The following CNN3 variants were observed in gnomAD, a reference collection of about 807,000 sequenced individuals.
CNN3 encodes the protein calponin 3.
Under a neutral mutation model 39.0 loss-of-function variants are expected in CNN3, and 11 were observed. The observed-to-expected ratio is 0.28, with a 90% CI of 0.18 to 0.47. The LOEUF (loss-of-function observed/expected upper bound fraction) is 0.47. CNN3 is among the 20% of genes least tolerant of loss of function. The probability of loss-of-function intolerance (pLI) is 0.99; values close to 1 mark genes in which losing one functional copy is unlikely to be tolerated. For synonymous variants in CNN3, 101 were observed against 138.3 expected (o/e 0.73, Z 1.89); for missense variants, 266 against 403.4 (o/e 0.66, Z 2.92).
At chr1:94,911,267 G>A (rs922947709) in intron 1 of CNN3, among the ~76,000 whole-genome samples, 2 of 152,322 alleles carry the variant, frequency 1.3e-5, no homozygotes, top group East Asian at 3.9e-4. Flanking sequence ...TTTAAAAGCT[G>A]TGGAAAATCA....
chr1:94,908,927 T>C (rs953064768), intron 1 of CNN3, among the ~76,000 whole-genome samples: 6 of 151,410 alleles, frequency 4.0e-5, no homozygotes, highest in African/African-American at 1.5e-4. Flanking sequence ...GGAGGAATCC[T>C]TGAGCCCAGG....
At chr1:94,903,684 TCA>T (rs1557909025) in intron 1 of CNN3, among the ~76,000 whole-genome samples, 160 bp from the exon 2 acceptor site, 1 of 151,350 alleles carries the variant, frequency 6.6e-6, no homozygotes, top group East Asian at 1.9e-4. Flanking sequence ...CGTTACAACT[TCA>T]GTAACTAATA....
chr1:94,909,963 T>C (rs187815574), intron 1 of CNN3, among the ~76,000 whole-genome samples: 1 of 152,204 alleles, frequency 6.6e-6, no homozygotes, highest in East Asian at 1.9e-4. Flanking sequence ...CATTCCAGAA[T>C]CTACTGAAGA....
intron 1 of CNN3, among the ~76,000 whole-genome samples, chr1:94,911,926 C>T (rs1471432390): frequency 2.0e-5 from 3 of 151,992 alleles, no homozygotes; most frequent in Admixed American, 6.6e-5. Context: ...ATTAGCTGGG[C>T]GTGGTGGCAC....
rs1257253985 is a variant in CNN3 at position 94,927,101 on chromosome 1, G to A, written c.-207C>T. Reference sequence around the variant, plus strand: ...ACAGAGCCTCGAGCTCCGCTGCGAAGCACCCGGCTGCCTCGCTCGCCGCCC... The same window carrying A: ...ACAGAGCCTCGAGCTCCGCTGCGAAACACCCGGCTGCCTCGCTCGCCGCCC... On this transcript the variant is annotated 5_prime_UTR_variant, in exon 1 of 7. Transcript: ENST00000370206. 4.1e-6 allele frequency: 2 copies of A among 492,174 alleles called. No individual in the cohort carries two copies. The highest frequency in any genetic ancestry group is 6.3e-5 in the South Asian group (2 of 31,960). The allele number at this position is 492,174 out of a possible 1,614,324, so 30.5% of individuals were successfully genotyped here. A position where few individuals can be genotyped will look rare whatever the true frequency, so the allele number is the denominator to read the frequency against.
At chr1:94,925,501 TA>T (rs1206582031) in intron 1 of CNN3, 2 of 687,954 alleles carry the variant, frequency 2.9e-6, no homozygotes, top group African/African-American at 1.9e-5. Flanking sequence ...GTAAAGGACC[TA>T]AACATTTCAA....
rs56226800 is a variant in CNN3 at position 94,897,371 on chromosome 1, T to TA, written c.*370dup. The TA allele has an allele frequency of 0.16, 20,520 of 126,314 alleles. 1,634 individuals are homozygous for TA. Among genetic ancestry groups the TA allele is most frequent in the African/African-American group, 0.21 (6,685 of 31,694 alleles). 7.8% of individuals were successfully genotyped at this position (126,314 alleles called of 1,614,324 possible). On this transcript the variant is annotated 3_prime_UTR_variant, in exon 7 of 7. Coordinates refer to ENST00000370206, the MANE Select transcript of CNN3 (RefSeq NM_001839.5). ...TGTAGAAACCAGATACACTAAACTG[T>TA]AAAAAAAAAAAAAAAAAAAAAAAGT...
At chr1:94,905,440 C>T (rs148547345) in intron 1 of CNN3, among the ~76,000 whole-genome samples, 374 of 152,250 alleles carry the variant, frequency 2.5e-3, no homozygotes, top group African/African-American at 8.5e-3. Context: ...GTTTTCAGGG[C>T]CTCTTTTCCC....
rs1408772372 is a variant in CNN3 at position 94,897,806 on chromosome 1, T to C, written c.926A>G (p.His309Arg). 2 of 1,614,192 alleles carry C rather than the reference T, an allele frequency of 1.2e-6. No homozygotes were observed. The highest frequency in any genetic ancestry group is 1.1e-5 in the South Asian group (1 of 91,088). Residue 309 changes from histidine to arginine, a missense_variant, in exon 7 of 7, where the codon CAT (histidine) becomes CGT (arginine). By Grantham distance (29) the His-to-Arg change is conservative. Transcript: ENST00000370206. The part of the protein sequence containing the change: ...DYQAEYPDEY[H>R]GEYQDDYPRD... The stretch of plus-strand genomic sequence containing the variant: ...GGGGTAGTCATCCTGGTACTCGCCA[T>C]GATACTCATCAGGGTATTCTGCCTG...
chr1:94,926,796 G>C lies in CNN3; in HGVS notation c.57+42C>G. ...ACGGCCCAGCGCCAGGCCAGCCCAA[G>C]GGTGCCCCGGGGGCCCCCGCGCCCG... On this transcript the variant is annotated intron_variant, in intron 1 of 6. Transcript: ENST00000370206. This position sits in a 1 kb window ranked among gnomAD's most constrained non-coding sequence, Gnocchi z 4.2. 6.3e-7 allele frequency: 1 copy of C among 1,594,844 alleles called. No homozygotes were observed. Among genetic ancestry groups the C allele is most frequent in the South Asian group, 1.1e-5 (1 of 88,680 alleles).
In CNN3 at chr1:94,897,635, TA is replaced by T; in HGVS notation, c.*106del. The T allele has an allele frequency of 9.5e-7, 1 of 1,049,404 alleles. No homozygotes were observed. The highest frequency in any genetic ancestry group is 1.4e-6 in the Non-Finnish European group (1 of 725,612). The allele number at this position is 1,049,404 out of a possible 1,614,324, so 65.0% of individuals were successfully genotyped here. On this transcript the variant is annotated 3_prime_UTR_variant, in exon 7 of 7. Coordinates refer to ENST00000370206, the MANE Select transcript of CNN3 (RefSeq NM_001839.5). Reference sequence around the variant, plus strand: ...AAGGCAATTTTTCTTAAAAGTACAATAAGCTTAATAGTGTTTTAGGAAGACA... The same window carrying T: ...AAGGCAATTTTTCTTAAAAGTACAATAGCTTAATAGTGTTTTAGGAAGACA...
intron 1 of CNN3, among the ~76,000 whole-genome samples, chr1:94,914,894 T>G (rs927571180): frequency 6.6e-6 from 1 of 151,390 alleles, no homozygotes; most frequent in Admixed American, 6.6e-5. Flanking sequence ...TTTTCTCTCT[T>G]TTTTTTTTCA....
chr1:94,903,037 A>T, intron 3 of CNN3, 85 bp downstream of exon 3: 1 of 1,096,086 alleles, frequency 9.1e-7, no homozygotes, highest in Non-Finnish European at 1.3e-6. Flanking sequence ...AAAAAACACA[A>T]AACCAAAAAA....
chr1:94,899,129 C>G (rs753987788), intron 6 of CNN3, among the ~76,000 whole-genome samples: 2 of 152,036 alleles, frequency 1.3e-5, no homozygotes, highest in Non-Finnish European at 2.9e-5. Context: ...ATAAACATAT[C>G]TTTTTTTCTG....
rs549395514 is a variant in CNN3 at position 94,926,985 on chromosome 1, C to T, written c.-91G>A. ...TCCTGGCCCCGAGGAGTGGCCGCCGCGGGGGATGCTCGAACTCCCTCCTCT... is the reference window on the plus strand; with the variant it reads ...TCCTGGCCCCGAGGAGTGGCCGCCGTGGGGGATGCTCGAACTCCCTCCTCT... On this transcript the variant is annotated 5_prime_UTR_variant, in exon 1 of 7. Coordinates refer to ENST00000370206, the MANE Select transcript of CNN3 (RefSeq NM_001839.5). This position sits in a 1 kb window ranked among gnomAD's most constrained non-coding sequence, Gnocchi z 4.2. 2.1e-6 allele frequency: 3 copies of T among 1,408,070 alleles called. No individual in the cohort carries two copies. In the Admixed American group the frequency reaches 5.8e-5, roughly 27 times the overall value. 87.2% of individuals were successfully genotyped at this position (1,408,070 alleles called of 1,614,324 possible). A position where few individuals can be genotyped will look rare whatever the true frequency, so the allele number is the denominator to read the frequency against.
At chr1:94,900,826 C>T (rs1670843458) in intron 5 of CNN3, among the ~76,000 whole-genome samples, 1 of 152,150 alleles carries the variant, frequency 6.6e-6, no homozygotes, top group African/African-American at 2.4e-5. Context: ...TCTAACAGGG[C>T]TTGGCTGCTA....
At position 94,902,186 on chromosome 1, in the gene CNN3, T is replaced by A; in HGVS notation, c.319A>T (p.Asn107Tyr). The change falls in exon 4 of 7, where the codon AAT becomes TAT. Residue 107 changes from asparagine (N) to tyrosine (Y), a missense_variant. Coordinates refer to ENST00000370206, the MANE Select transcript of CNN3 (RefSeq NM_001839.5). The part of the protein sequence containing the change: ...GMKPHDIFEA[N>Y]DLFENGNMTQ... ...ATGTTTCCATTCTCAAAAAGATCAT[T>A]TGCTTCGAATATGTCATGTGGCTTC... 6.2e-7 allele frequency: 1 copy of A among 1,613,560 alleles called. No individual in the cohort carries two copies. Among genetic ancestry groups the A allele is most frequent in the Non-Finnish European group, 8.5e-7 (1 of 1,179,438 alleles).
At chr1:94,910,795 C>T (rs1334542089) in intron 1 of CNN3, among the ~76,000 whole-genome samples, 1 of 152,154 alleles carries the variant, frequency 6.6e-6, no homozygotes, top group Non-Finnish European at 1.5e-5. Flanking sequence ...ACAGCATGCA[C>T]GCCCTCCAAT....
chr1:94,924,112 GA>G, intron 1 of CNN3: 1 of 152,348 alleles, frequency 6.6e-6, no homozygotes, highest in Non-Finnish European at 1.5e-5. Flanking sequence ...ATGCAATAAA[GA>G]AAAAGCAGGA....
Sources: gnomAD v4.1 joint callset for allele counts (sites outside exome capture counted in the v4.1 genomes callset) on GRCh38, gnomAD v4.1.1 for gene constraint, Gnocchi (gnomAD v3.1) non-coding constraint, MANE v1.5 for transcripts, NCBI Gene and HGNC (gene_info 2026-07-23, HGNC 2026-07-21) for gene names.